The following PRKCE variants were observed in gnomAD, a reference collection of about 807,000 sequenced individuals.
PRKCE encodes the protein protein kinase C epsilon, also known as protein kinase C epsilon type.
In PRKCE, 16 loss-of-function variants were observed where a neutral mutation model predicts 85.4. The ratio of observed to expected loss-of-function variants is 0.19; its 90% CI spans 0.13 to 0.28. The LOEUF (loss-of-function observed/expected upper bound fraction) is 0.28. Among genes scored for constraint, PRKCE ranks in the 10% least tolerant of loss-of-function variants. The probability of loss-of-function intolerance (pLI) is 1.00; values close to 1 mark genes in which losing one functional copy is unlikely to be tolerated. For missense variants in PRKCE, 573 were observed against 975.2 expected (o/e 0.59, Z 5.49); for synonymous variants, 388 against 371.5 (o/e 1.04, Z -0.51).
intron 1 of PRKCE, among the ~76,000 whole-genome samples, chr2:45,810,505 AT>A (rs1444157889): frequency 1.3e-5 from 2 of 152,200 alleles, no homozygotes; most frequent in Non-Finnish European, 2.9e-5. Context: ...GCCACCAAGA[AT>A]GCTGAGGTGA....
chr2:45,820,125 C>T (rs1023062099), intron 1 of PRKCE, among the ~76,000 whole-genome samples: 7 of 152,154 alleles, frequency 4.6e-5, no homozygotes, highest in Middle Eastern at 3.4e-3. Context: ...ATTTTCCAGA[C>T]GAAGGTAATG....
Position 46,145,757 on chromosome 2 carries a change from A to G in PRKCE, c.1731+526A>G, listed in dbSNP as rs1410986166. ...GTGGTGCAAACCTGTAGTCCCAGCT[A>G]CTTGGGAGGCTGAGGTGAAAGGATC... On this transcript the variant is annotated intron_variant, in intron 12 of 14. Transcript: ENST00000306156. The surrounding 1 kb of genome is among the most constrained non-coding windows in gnomAD (Gnocchi z 4.6). Among the ~76,000 whole-genome samples, 2 of 152,158 alleles carry G rather than the reference A, an allele frequency of 1.3e-5. No individual in the cohort carries two copies. The highest frequency in any genetic ancestry group is 2.9e-5 in the Non-Finnish European group (2 of 68,022).
chr2:45,718,210 C>T (rs1354750102), intron 1 of PRKCE, among the ~76,000 whole-genome samples: 1 of 152,118 alleles, frequency 6.6e-6, no homozygotes, highest in Non-Finnish European at 1.5e-5. Flanking sequence ...GTTGTGACAA[C>T]CACAAATGTC....
At chr2:45,683,428 T>C (rs1182174491) in intron 1 of PRKCE, among the ~76,000 whole-genome samples, 1 of 152,232 alleles carries the variant, frequency 6.6e-6, no homozygotes, top group Non-Finnish European at 1.5e-5. Flanking sequence ...TTGGCAGGTC[T>C]TGCCCTTCTC....
At chr2:45,702,258 A>G (rs1009176610) in intron 1 of PRKCE, among the ~76,000 whole-genome samples, 1 of 152,226 alleles carries the variant, frequency 6.6e-6, no homozygotes, top group African/African-American at 2.4e-5. Context: ...TCCTCCGCTC[A>G]GATACAGATG....
intron 1 of PRKCE, among the ~76,000 whole-genome samples, chr2:45,808,081 T>C (rs1471923051): frequency 6.6e-6 from 1 of 152,096 alleles, no homozygotes. Context: ...CGCATAGTGG[T>C]CACTCCCTCT....
At chr2:45,795,644 T>G (rs1687379626) in intron 1 of PRKCE, among the ~76,000 whole-genome samples, 1 of 152,208 alleles carries the variant, frequency 6.6e-6, no homozygotes, top group East Asian at 1.9e-4. Flanking sequence ...ATTCTGCTGC[T>G]CTCCATACTG....
chr2:45,941,754 A>G (rs1394568818), intron 2 of PRKCE, among the ~76,000 whole-genome samples: 1 of 152,172 alleles, frequency 6.6e-6, no homozygotes, highest in Non-Finnish European at 1.5e-5. Context: ...ACTTGAAGTT[A>G]GGGCCTAGAT....
Position 45,985,679 on chromosome 2 carries a change from T to C in PRKCE, c.823+999T>C, listed in dbSNP as rs367723273. On this transcript the variant is annotated intron_variant, in intron 6 of 14. Transcript: ENST00000306156. Reference sequence around the variant, plus strand: ...CAGTGGGAATGAAGAGGAGAATGACTTTAATATATCAAGGAGGAATGATTT... The same window carrying C: ...CAGTGGGAATGAAGAGGAGAATGACCTTAATATATCAAGGAGGAATGATTT... Among the ~76,000 whole-genome samples, 32 of 152,306 alleles carry C rather than the reference T, an allele frequency of 2.1e-4. No individual in the cohort carries two copies. The South Asian group carries it at 6.4e-3, about 31-fold the overall frequency.
At chr2:46,003,203 C>A (rs1482682377) in intron 7 of PRKCE, among the ~76,000 whole-genome samples, 1 of 152,224 alleles carries the variant, frequency 6.6e-6, no homozygotes, top group Non-Finnish European at 1.5e-5. Flanking sequence ...TCAAAGGCTT[C>A]TTTGCAGGAA....
chr2:45,773,887 C>G (rs1268438005), intron 1 of PRKCE, among the ~76,000 whole-genome samples: 2 of 152,132 alleles, frequency 1.3e-5, no homozygotes, highest in Admixed American at 1.3e-4. Flanking sequence ...GGTAAGGTGC[C>G]CTGGGCAGCT....
At position 46,138,537 on chromosome 2, in the gene PRKCE, G is replaced by A. The variant is rs185630017; in HGVS notation, c.1593-6556G>A. On this transcript the variant is annotated intron_variant, in intron 11 of 14. Transcript: ENST00000306156. This position sits in a 1 kb window ranked among gnomAD's most constrained non-coding sequence, Gnocchi z 4.2. The stretch of plus-strand genomic sequence containing the variant: ...ATGGCAGAGGATGTACCAGGCGAAT[G>A]CACCCTTTCCTTATAGCCAGGATGT... 2.2e-4 allele frequency among the ~76,000 whole-genome samples: 33 copies of A among 152,286 alleles called. No individual in the cohort carries two copies. The highest frequency in any genetic ancestry group is 7.9e-4 in the African/African-American group (33 of 41,572).
chr2:45,670,248 A>T (rs1676095310), intron 1 of PRKCE, among the ~76,000 whole-genome samples: 1 of 152,124 alleles, frequency 6.6e-6, no homozygotes, highest in African/African-American at 2.4e-5. Context: ...TCTGTTAAGA[A>T]CCTTTAGGGT....
intron 10 of PRKCE, among the ~76,000 whole-genome samples, chr2:46,025,280 A>G (rs1434639464): frequency 6.6e-6 from 1 of 152,214 alleles, no homozygotes; most frequent in Non-Finnish European, 1.5e-5. Context: ...GAGCAGTACC[A>G]GGGAACGTAA....
chr2:45,749,084 T>G (rs1362622984), intron 1 of PRKCE, among the ~76,000 whole-genome samples: 1 of 152,048 alleles, frequency 6.6e-6, no homozygotes, highest in Non-Finnish European at 1.5e-5. Flanking sequence ...GAGACGGGGT[T>G]TCACCATATT....
intron 2 of PRKCE, among the ~76,000 whole-genome samples, chr2:45,937,517 C>G (rs1361418914): frequency 6.6e-6 from 1 of 152,170 alleles, no homozygotes; most frequent in African/African-American, 2.4e-5. Context: ...TGAAGACCAT[C>G]CTGGCTAATA....
intron 3 of PRKCE, among the ~76,000 whole-genome samples, chr2:45,977,833 C>T (rs1702580112): frequency 6.6e-6 from 1 of 152,108 alleles, no homozygotes; most frequent in African/African-American, 2.4e-5. Context: ...TCCTGACATC[C>T]CACCAGCCTT....
At chr2:46,021,484 C>T (rs540592394) in intron 10 of PRKCE, among the ~76,000 whole-genome samples, 3 of 152,288 alleles carry the variant, frequency 2.0e-5, no homozygotes, top group East Asian at 1.9e-4. Context: ...CGTGGCCATT[C>T]GCTTTCCCCT....
intron 1 of PRKCE, among the ~76,000 whole-genome samples, chr2:45,653,606 C>G (rs1206726438): frequency 1.3e-5 from 2 of 151,942 alleles, no homozygotes; most frequent in African/African-American, 2.4e-5. Context: ...CATGAATGTC[C>G]TAGAGGTCAG....
Sources: allele counts gnomAD v4.1 joint callset (sites outside exome capture counted in the v4.1 genomes callset), GRCh38; gene constraint gnomAD v4.1.1; non-coding constraint Gnocchi (gnomAD v3.1); transcripts MANE v1.5; gene names NCBI Gene and HGNC (gene_info 2026-07-23, HGNC 2026-07-21).